Variants in TESMIN observed in about 807,000 individuals in gnomAD.
TESMIN encodes the protein CXC domain containing 2.
In TESMIN, 34 loss-of-function variants were observed where a neutral mutation model predicts 47.4. The observed-to-expected ratio is 0.72, with a 90% CI of 0.55 to 0.96. The LOEUF (loss-of-function observed/expected upper bound fraction) is 0.96, where lower values mean the gene tolerates loss of function less well. TESMIN is among the 40% of genes least tolerant of loss of function. The probability of loss-of-function intolerance (pLI) is 0.00; values close to 1 mark genes in which losing one functional copy is unlikely to be tolerated. For synonymous variants in TESMIN, 278 were observed against 258.9 expected, an observed-to-expected ratio of 1.07 and a Z score of -0.71; for missense variants, 610 against 637.2, an observed-to-expected ratio of 0.96 and a Z score of 0.46.
At chr11:68,711,092 A>AG in intron 8 of TESMIN, 43 bp from the exon 9 acceptor site, 1 of 1,502,728 alleles carries the variant, frequency 6.7e-7, no homozygotes, top group Non-Finnish European at 9.1e-7. Flanking sequence ...TTGTCTCACA[A>AG]GTCATCAAAA....
rs536643027 is a variant in TESMIN at position 68,733,463 on chromosome 11, G to A, written c.917+5237C>T. ...TTGGCCAAGATAATACCAAAAATTCGTACCAGCTTCATGCAAAAGTGGCTG... is the reference window on the plus strand; with the variant it reads ...TTGGCCAAGATAATACCAAAAATTCATACCAGCTTCATGCAAAAGTGGCTG... On this transcript the variant is annotated intron_variant, in intron 6 of 9. Coordinates refer to ENST00000255087, the MANE Select transcript of TESMIN (RefSeq NM_004923.3). Among the ~76,000 whole-genome samples the A allele has an allele frequency of 3.9e-5, 6 of 152,252 alleles. No individual in the cohort carries two copies. The South Asian group carries it at 6.2e-4, about 16-fold the overall frequency.
chr11:68,728,077 C>A (rs904865949), intron 6 of TESMIN, among the ~76,000 whole-genome samples: 13 of 152,152 alleles, frequency 8.5e-5, no homozygotes, highest in Non-Finnish European at 8.8e-5. Flanking sequence ...TGAAATTAGG[C>A]CAGTTAACAA....
At chr11:68,711,139 G>A (rs538772416) in intron 8 of TESMIN, 90 bp from the exon 9 acceptor site, 15 of 1,127,774 alleles carry the variant, frequency 1.3e-5, no homozygotes, top group South Asian at 6.1e-5. Flanking sequence ...ATAATTCTTC[G>A]CGTATATTTG....
chr11:68,713,140 T>C, intron 8 of TESMIN, 130 bp downstream of exon 8: 1 of 964,812 alleles, frequency 1.0e-6, no homozygotes, highest in Non-Finnish European at 1.4e-6. Flanking sequence ...AGTGTCCTTC[T>C]AGAAACTCTG....
intron 4 of TESMIN, among the ~76,000 whole-genome samples, chr11:68,743,834 T>C (rs1339406368): frequency 6.6e-6 from 1 of 152,176 alleles, no homozygotes; most frequent in Non-Finnish European, 1.5e-5. Flanking sequence ...TTTATTGTGA[T>C]GTTTAATATG....
At chr11:68,711,072 T>C (rs1946060301) in intron 8 of TESMIN, 23 bp from the exon 9 acceptor site, 3 of 1,562,630 alleles carry the variant, frequency 1.9e-6, no homozygotes, top group Non-Finnish European at 2.6e-6. Context: ...AATGCTTCAA[T>C]AAAATTAGGT....
At chr11:68,718,643 C>T (rs1946169898) in intron 6 of TESMIN, among the ~76,000 whole-genome samples, 4 of 152,210 alleles carry the variant, frequency 2.6e-5, no homozygotes, top group Admixed American at 2.0e-4. Context: ...GGGCTCTGCA[C>T]AGTAGCTAGG....
intron 4 of TESMIN, among the ~76,000 whole-genome samples, chr11:68,744,580 C>T (rs1349723426): frequency 6.6e-6 from 1 of 152,228 alleles, no homozygotes; most frequent in Non-Finnish European, 1.5e-5. Flanking sequence ...ATTGATTACA[C>T]TGAAATGTTT....
At chr11:68,729,619 A>C (rs889980784) in intron 6 of TESMIN, among the ~76,000 whole-genome samples, 2 of 152,182 alleles carry the variant, frequency 1.3e-5, no homozygotes, top group African/African-American at 4.8e-5. Flanking sequence ...AGAAATAGCA[A>C]GAGAATTAGA....
intron 6 of TESMIN, 59 bp from the exon 7 acceptor site, chr11:68,715,998 G>A: frequency 8.8e-7 from 1 of 1,130,104 alleles, no homozygotes. Flanking sequence ...GTAGTGAAAA[G>A]AAGAGCACAC....
chr11:68,713,700 C>T (rs1023562579), intron 7 of TESMIN, among the ~76,000 whole-genome samples: 4 of 152,056 alleles, frequency 2.6e-5, no homozygotes, highest in Admixed American at 6.6e-5. Flanking sequence ...TCATTATTTC[C>T]GTGTGGACAC....
chr11:68,747,014 T>C (rs1946529182), intron 3 of TESMIN, 194 bp downstream of exon 3: 8 of 609,968 alleles, frequency 1.3e-5, no homozygotes, highest in South Asian at 1.2e-4. Context: ...TTTGCTAAGA[T>C]GGAGTAGAAA....
At chr11:68,725,133 G>A (rs187337199) in intron 6 of TESMIN, among the ~76,000 whole-genome samples, 28 of 152,256 alleles carry the variant, frequency 1.8e-4, no homozygotes, top group Admixed American at 1.7e-3. Context: ...TGTCTGGAGC[G>A]GGATTGAGAA....
intron 6 of TESMIN, among the ~76,000 whole-genome samples, chr11:68,728,173 G>A (rs1223191836): frequency 3.3e-5 from 5 of 152,192 alleles, no homozygotes; most frequent in Admixed American, 6.5e-5. Flanking sequence ...TAGTGAGGAA[G>A]GCATGTCGAA....
intron 5 of TESMIN, among the ~76,000 whole-genome samples, chr11:68,742,062 C>T (rs979331844): frequency 3.3e-5 from 5 of 152,200 alleles, no homozygotes; most frequent in Admixed American, 2.0e-4. Context: ...GCAAGCGTGG[C>T]AGAATGCCGG....
intron 6 of TESMIN, chr11:68,732,869 C>T (rs1427158413): frequency 1.3e-5 from 2 of 152,256 alleles, no homozygotes; most frequent in East Asian, 1.9e-4. Flanking sequence ...TGCACCCCCA[C>T]ATCACTGTCC....
At chr11:68,732,968 C>T (rs1248173196) in intron 6 of TESMIN, 2 of 152,180 alleles carry the variant, frequency 1.3e-5, no homozygotes. Flanking sequence ...GACATTGGGA[C>T]TAGGACATGT....
chr11:68,727,199 G>A (rs1946274910), intron 6 of TESMIN, among the ~76,000 whole-genome samples: 3 of 152,312 alleles, frequency 2.0e-5, no homozygotes, highest in South Asian at 4.1e-4. Context: ...CCAGCACTTT[G>A]GGAGGCCAAG....
In TESMIN at chr11:68,750,346, C is replaced by T; in HGVS notation, c.315G>A (p.Ala105=). Residue 105 remains alanine, a synonymous_variant, in exon 2 of 10, where the codon GCG becomes GCA. Coordinates refer to ENST00000255087, the MANE Select transcript of TESMIN (RefSeq NM_004923.3). ...CCTGCAGGAGCGCGACGTCCTCCAG[C>T]GCGCTGAGCTCTGGGATCCCGGGGT... ...GEYPGIPELS[A]LEDVALLQAP... 6.7e-7 allele frequency: 1 copy of T among 1,503,440 alleles called. No individual in the cohort carries two copies. Among genetic ancestry groups the T allele is most frequent in the Non-Finnish European group, 8.9e-7 (1 of 1,126,958 alleles). 93.1% of individuals were successfully genotyped at this position (1,503,440 alleles called of 1,614,324 possible).
Sources: allele counts gnomAD v4.1 joint callset (sites outside exome capture counted in the v4.1 genomes callset), GRCh38; gene constraint gnomAD v4.1.1; transcripts MANE v1.5; gene names NCBI Gene and HGNC (gene_info 2026-07-23, HGNC 2026-07-21).